Variants in DMD observed in about 807,000 individuals in gnomAD.
DMD encodes the protein mutant dystrophin.
In DMD, 63 loss-of-function variants were observed where a neutral mutation model predicts 330.1. That is an observed-to-expected ratio of 0.19 (90% CI 0.16 to 0.24). The LOEUF is 0.24. DMD is among the 10% of genes least tolerant of loss of function. The pLI is 1.00. For missense variants in DMD, 3,344 were observed against 2,684.1 expected (o/e 1.25, Z -5.43); for synonymous variants, 1,223 against 959.8 (o/e 1.27, Z -5.07).
At chrX:32,232,575 A>T (rs769526118) in intron 43 of DMD, among the ~76,000 whole-genome samples, 1 of 111,905 alleles carries the variant, frequency 8.9e-6, no homozygotes, top group Non-Finnish European at 1.9e-5. Flanking sequence ...ATGTCATCAC[A>T]TCTGACTTAC....
chrX:32,695,594 A>G (rs944893154), intron 9 of DMD, among the ~76,000 whole-genome samples: 1 of 111,403 alleles, frequency 9.0e-6, no homozygotes, highest in Non-Finnish European at 1.9e-5. Flanking sequence ...ACTTGGAGAC[A>G]TACTAGGTTT....
At chrX:32,668,753 A>G (rs750746821) in intron 9 of DMD, among the ~76,000 whole-genome samples, 90 of 105,504 alleles carry the variant, frequency 8.5e-4, no homozygotes, top group Non-Finnish European at 1.4e-3. Context: ...CTTGAACTTG[A>G]AAGATTTTTT....
intron 49 of DMD, among the ~76,000 whole-genome samples, chrX:31,834,283 T>C (rs1232127582): frequency 2.7e-5 from 3 of 111,515 alleles, no homozygotes; most frequent in Non-Finnish European, 5.6e-5. Flanking sequence ...TGTGAGGTCA[T>C]TTTTTGAGCC....
At chrX:31,193,064 C>T (rs904103061) in intron 67 of DMD, among the ~76,000 whole-genome samples, 9 of 111,643 alleles carry the variant, frequency 8.1e-5, no homozygotes, top group Admixed American at 9.5e-5. Context: ...ACATGTCCCT[C>T]GTACCATTAG....
At chrX:32,036,598 C>T (rs1210557888) in intron 44 of DMD, among the ~76,000 whole-genome samples, 2 of 111,059 alleles carry the variant, frequency 1.8e-5, no homozygotes, top group African/African-American at 6.5e-5. Context: ...CTTGAAGCAC[C>T]TGAGGGACAT....
intron 43 of DMD, among the ~76,000 whole-genome samples, chrX:32,239,153 C>T (rs763435065): frequency 1.8e-5 from 2 of 111,199 alleles, no homozygotes; most frequent in South Asian, 3.8e-4. Flanking sequence ...TTTGTGACAA[C>T]GAAAAAGGTC....
intron 51 of DMD, among the ~76,000 whole-genome samples, chrX:31,734,311 A>G (rs1185285628): frequency 9.0e-6 from 1 of 110,725 alleles, no homozygotes; most frequent in Non-Finnish European, 1.9e-5. Context: ...TCTTAATAGC[A>G]AAGACATTCT....
At chrX:32,128,178 T>A (rs2096671018) in intron 44 of DMD, among the ~76,000 whole-genome samples, 1 of 112,318 alleles carries the variant, frequency 8.9e-6, no homozygotes, top group African/African-American at 3.2e-5. Context: ...AACCAGCTTC[T>A]AAGATTTTGA....
intron 1 of DMD, among the ~76,000 whole-genome samples, chrX:33,253,124 A>C (rs1368724868): frequency 1.9e-5 from 2 of 104,868 alleles, no homozygotes; most frequent in Non-Finnish European, 3.8e-5. Context: ...TGATTTGATC[A>C]TTATACATTA....
At chrX:31,688,921 C>G (rs1433032980) in intron 52 of DMD, among the ~76,000 whole-genome samples, 7 of 111,756 alleles carry the variant, frequency 6.3e-5, no homozygotes, top group African/African-American at 1.6e-4. Flanking sequence ...ATTCAACAGC[C>G]CTTCATGCTA....
chrX:32,251,413 T>A lies in DMD; in HGVS notation c.6291-34350A>T, dbSNP rs1041169211. On this transcript the variant is annotated intron_variant, in intron 43 of 78. Transcript: ENST00000357033. Reference sequence around the variant, plus strand: ...ATCTAGAAAGGTCTCCACCTCCAAATCTGCCCCTTCTTTTCTGTTCTCCAG... The same window carrying A: ...ATCTAGAAAGGTCTCCACCTCCAAAACTGCCCCTTCTTTTCTGTTCTCCAG... Among the ~76,000 whole-genome samples the A allele has an allele frequency of 9.9e-5, 11 of 111,254 alleles. No homozygotes were observed. The Admixed American group carries it at 1.1e-3, about 11-fold the overall frequency.
intron 55 of DMD, among the ~76,000 whole-genome samples, chrX:31,589,944 A>G (rs762249015): frequency 2.9e-4 from 32 of 111,489 alleles, no homozygotes; most frequent in Admixed American, 2.5e-3. Context: ...AAATAAATAC[A>G]TAATTGTCAG....
intron 44 of DMD, among the ~76,000 whole-genome samples, chrX:32,113,023 C>T (rs181029660): frequency 3.0e-4 from 34 of 112,646 alleles, no homozygotes; most frequent in Middle Eastern, 9.2e-3. Context: ...ATTAAAGTAA[C>T]GCAGCTAGTT....
intron 42 of DMD, among the ~76,000 whole-genome samples, chrX:32,308,191 T>G (rs1452739933): frequency 9.0e-6 from 1 of 111,120 alleles, no homozygotes; most frequent in African/African-American, 3.3e-5. Context: ...GCTATTTTAG[T>G]TGTATTTTGT....
At chrX:32,593,811 C>A (rs1454219122) in intron 13 of DMD, among the ~76,000 whole-genome samples, 1 of 112,240 alleles carries the variant, frequency 8.9e-6, no homozygotes, top group Non-Finnish European at 1.9e-5. Context: ...AAAAATATTT[C>A]TCAATCAAAT....
intron 1 of DMD, among the ~76,000 whole-genome samples, chrX:33,192,905 A>G (rs1209977523): frequency 8.9e-6 from 1 of 112,334 alleles, no homozygotes; most frequent in Non-Finnish European, 1.9e-5. Context: ...ATAGCACACA[A>G]ATACACAGGT....
At chrX:33,272,057 T>C (rs1012318484) in intron 1 of DMD, among the ~76,000 whole-genome samples, 2 of 110,288 alleles carry the variant, frequency 1.8e-5, no homozygotes, top group Admixed American at 9.7e-5. Flanking sequence ...CTAATTTTTG[T>C]ATTTTTAGTA....
rs1451117241 is a variant in DMD, at chrX:32,362,751, T to G, written c.5325+37A>C. 3.3e-6 allele frequency: 4 copies of G among 1,204,837 alleles called. No individual in the cohort carries two copies. In the Admixed American group the frequency reaches 8.7e-5, roughly 26 times the overall value. On this transcript the variant is annotated intron_variant, in intron 37 of 78. Transcript: ENST00000357033. ...CTGCGCAACCTTCGCAAGAGACCAT[T>G]TAGCACAAGTTTCCACCTTGGAGTA... is the stretch of plus-strand genomic sequence containing the variant.
intron 29 of DMD, among the ~76,000 whole-genome samples, chrX:32,422,906 C>T (rs1011340605): frequency 4.5e-5 from 5 of 110,687 alleles, no homozygotes; most frequent in African/African-American, 1.6e-4. Context: ...AGTGGTAAAA[C>T]GTAAGATGAA....
Sources: allele counts gnomAD v4.1 joint callset (sites outside exome capture counted in the v4.1 genomes callset), GRCh38; gene constraint gnomAD v4.1.1; transcripts MANE v1.5; gene names NCBI Gene and HGNC (gene_info 2026-07-23, HGNC 2026-07-21).